KCNIP4: variants seen among roughly 807,000 people sequenced by gnomAD.
The protein encoded by KCNIP4 is potassium voltage-gated channel interacting protein 4, also known as Kv channel-interacting protein 4.
KCNIP4 carries 12 observed loss-of-function variants against 34.0 expected under a neutral mutation model. The observed-to-expected ratio is 0.35, with a 90% CI of 0.23 to 0.57. The LOEUF (loss-of-function observed/expected upper bound fraction) is 0.57. KCNIP4 is among the 20% of genes least tolerant of loss of function. The pLI, the probability that KCNIP4 is intolerant of heterozygous loss-of-function variation, is 0.83. For missense variants in KCNIP4, 238 were observed against 311.7 expected (o/e 0.76, Z 1.78); for synonymous variants, 124 against 102.2 (o/e 1.21, Z -1.29).
intron 1 of KCNIP4, among the ~76,000 whole-genome samples, chr4:21,317,264 T>C (rs924450252): frequency 9.2e-5 from 14 of 152,180 alleles, no homozygotes; most frequent in Admixed American, 3.3e-4. Flanking sequence ...AAATCCTTAA[T>C]GATTTAACAT....
chr4:20,841,978 T>A (rs1354690303), intron 3 of KCNIP4, among the ~76,000 whole-genome samples: 2 of 152,098 alleles, frequency 1.3e-5, no homozygotes, highest in Non-Finnish European at 2.9e-5. Flanking sequence ...TCCCTTTCTC[T>A]AGCCGCCCCA....
At chr4:21,276,197 T>G (rs1167908321) in intron 1 of KCNIP4, among the ~76,000 whole-genome samples, 1 of 152,194 alleles carries the variant, frequency 6.6e-6, no homozygotes, top group Non-Finnish European at 1.5e-5. Context: ...TAATCCACAG[T>G]GCCTGTGAAT....
intron 1 of KCNIP4, among the ~76,000 whole-genome samples, chr4:20,942,180 G>GC: frequency 6.6e-6 from 1 of 152,286 alleles, no homozygotes; most frequent in South Asian, 2.1e-4. Flanking sequence ...TTCCCTCAAT[G>GC]CATTCCCTGG....
At chr4:20,996,891 G>T (rs551739033) in intron 1 of KCNIP4, among the ~76,000 whole-genome samples, 1 of 152,098 alleles carries the variant, frequency 6.6e-6, no homozygotes, top group Non-Finnish European at 1.5e-5. Flanking sequence ...GAGAGAGATT[G>T]TCAGTTACAG....
At chr4:21,094,943 A>G (rs572279410) in intron 1 of KCNIP4, among the ~76,000 whole-genome samples, 2 of 152,356 alleles carry the variant, frequency 1.3e-5, no homozygotes, top group African/African-American at 4.8e-5. Flanking sequence ...CTGAGTCCTT[A>G]ACCTTTACAT....
At chr4:21,092,711 G>C (rs564994590) in intron 1 of KCNIP4, among the ~76,000 whole-genome samples, 221 of 152,270 alleles carry the variant, frequency 1.5e-3, no homozygotes, top group African/African-American at 4.9e-3. Context: ...CCCAGATGAG[G>C]GGCAGGGAGC....
chr4:20,926,112 G>C, intron 1 of KCNIP4, among the ~76,000 whole-genome samples: 1 of 152,246 alleles, frequency 6.6e-6, no homozygotes, highest in South Asian at 2.1e-4. Context: ...ACCCTTATCA[G>C]ACAGCAAATA....
At chr4:21,384,699 A>G (rs192093810) in intron 1 of KCNIP4, among the ~76,000 whole-genome samples, 2 of 152,346 alleles carry the variant, frequency 1.3e-5, no homozygotes, top group African/African-American at 2.4e-5. Context: ...GAATTTGCCA[A>G]CTGGTATTGT....
chr4:21,399,898 C>A (rs1723326406), intron 1 of KCNIP4, among the ~76,000 whole-genome samples: 2 of 152,012 alleles, frequency 1.3e-5, no homozygotes, highest in African/African-American at 4.8e-5. Context: ...AGGAGAGAGA[C>A]CCATGACAAT....
chr4:21,537,279 C>T (rs1360894155), intron 1 of KCNIP4, among the ~76,000 whole-genome samples: 3 of 152,160 alleles, frequency 2.0e-5, no homozygotes, highest in Non-Finnish European at 1.5e-5. Context: ...ATTCTGTATA[C>T]AGTACAAGCA....
intron 1 of KCNIP4, among the ~76,000 whole-genome samples, chr4:21,222,870 T>C (rs1006627402): frequency 6.6e-6 from 1 of 152,212 alleles, no homozygotes. Context: ...AGGAGGCAAG[T>C]TGTTGGCATA....
intron 3 of KCNIP4, among the ~76,000 whole-genome samples, chr4:20,798,326 G>C (rs1180407681): frequency 1.3e-5 from 2 of 152,144 alleles, no homozygotes; most frequent in Non-Finnish European, 2.9e-5. Flanking sequence ...CATATAGAAA[G>C]CTTGATGGGC....
chr4:21,679,236 G>T (rs1355754666), intron 1 of KCNIP4, among the ~76,000 whole-genome samples: 2 of 152,210 alleles, frequency 1.3e-5, no homozygotes, highest in Admixed American at 1.3e-4. Flanking sequence ...TTCCCAAACC[G>T]ACTTATCCTA....
chr4:21,842,379 A>G (rs118128755), intron 1 of KCNIP4, among the ~76,000 whole-genome samples: 1 of 152,172 alleles, frequency 6.6e-6, no homozygotes, highest in East Asian at 1.9e-4. Context: ...GCCATTTCAA[A>G]TTGGCACATT....
intron 1 of KCNIP4, among the ~76,000 whole-genome samples, chr4:20,939,291 T>C (rs893589745): frequency 6.6e-6 from 1 of 152,204 alleles, no homozygotes; most frequent in Non-Finnish European, 1.5e-5. Context: ...TCATCTCAGC[T>C]TGCTTGGCTG....
chr4:21,309,166 T>G (rs150278752), intron 1 of KCNIP4, among the ~76,000 whole-genome samples: 88 of 152,314 alleles, frequency 5.8e-4, no homozygotes, highest in African/African-American at 1.9e-3. Context: ...AAAGGGATTT[T>G]GGCACGTTAT....
At chr4:21,763,373 G>A (rs1485108657) in intron 1 of KCNIP4, among the ~76,000 whole-genome samples, 4 of 152,068 alleles carry the variant, frequency 2.6e-5, no homozygotes, top group African/African-American at 9.7e-5. Context: ...AATACACTTG[G>A]CTTTATCTCT....
chr4:20,859,523 T>C (rs1352376061), intron 2 of KCNIP4, among the ~76,000 whole-genome samples: 2 of 152,194 alleles, frequency 1.3e-5, no homozygotes, highest in Non-Finnish European at 2.9e-5. Context: ...TTTTTGTCCT[T>C]TGTTCTTTAG....
chr4:20,812,043 T>C (rs1471138290), intron 3 of KCNIP4, among the ~76,000 whole-genome samples: 1 of 152,194 alleles, frequency 6.6e-6, no homozygotes, highest in Non-Finnish European at 1.5e-5. Flanking sequence ...GTCTGGACTC[T>C]ACAGACTTAC....
Sources: allele counts gnomAD v4.1 joint callset (sites outside exome capture counted in the v4.1 genomes callset), GRCh38; gene constraint gnomAD v4.1.1; transcripts MANE v1.5; gene names NCBI Gene and HGNC (gene_info 2026-07-23, HGNC 2026-07-21).